Variants in RMND5B observed in about 807,000 individuals in gnomAD.
RMND5B encodes required for meiotic nuclear division 5 homolog B.
RMND5B carries 42 observed loss-of-function variants against 50.4 expected under a neutral mutation model. The observed-to-expected ratio is 0.83, with a 90% CI of 0.65 to 1.08. The LOEUF is 1.08. RMND5B is among the 50% of genes least tolerant of loss of function. The pLI is 0.00. For synonymous variants in RMND5B, 220 were observed against 210.0 expected, an observed-to-expected ratio of 1.05 and a Z score of -0.41; for missense variants, 463 against 508.5, an observed-to-expected ratio of 0.91 and a Z score of 0.86.
chr5:178,136,442 G>A (rs1429878349), intron 2 of RMND5B, among the ~76,000 whole-genome samples: 1 of 152,032 alleles, frequency 6.6e-6, no homozygotes, highest in East Asian at 1.9e-4. Context: ...TGGGGGGTGG[G>A]TGGCATAGCT....
Position 178,150,146 on chromosome 5 carries a change from A to G in RMND5B, c.*2114A>G, listed in dbSNP as rs1031049734. 2 of 299,298 alleles carry G rather than the reference A, an allele frequency of 6.7e-6. No individual in the cohort carries two copies. Among genetic ancestry groups the G allele is most frequent in the East Asian group, 1.7e-4 (2 of 11,742 alleles). The allele number at this position is 299,298 out of a possible 1,614,324, so 18.5% of individuals were successfully genotyped here. A position where few individuals can be genotyped will look rare whatever the true frequency, so the allele number is the denominator to read the frequency against. ...TCAGATCTGGCCCCTGTTACGTAAG[A>G]TAAGGACAGCTACAGGTCCCTCTGA... is the stretch of plus-strand genomic sequence containing the variant. On this transcript the variant is annotated 3_prime_UTR_variant, in exon 11 of 11. Coordinates refer to ENST00000313386, the MANE Select transcript of RMND5B (RefSeq NM_022762.5).
In RMND5B at chr5:178,149,687, A is replaced by G; in HGVS notation, c.*1655A>G. 1 of 1,611,992 alleles carries G rather than the reference A, an allele frequency of 6.2e-7. No individual in the cohort carries two copies. The highest frequency in any genetic ancestry group is 8.5e-7 in the Non-Finnish European group (1 of 1,179,694). On this transcript the variant is annotated 3_prime_UTR_variant, in exon 11 of 11. Coordinates refer to ENST00000313386, the MANE Select transcript of RMND5B (RefSeq NM_022762.5). ...TGCCAGCCCAATAGCTTCCAGCGGCAGGTGCCCAGGTGCTACCGGAGCCCC... is the reference window on the plus strand; with the variant it reads ...TGCCAGCCCAATAGCTTCCAGCGGCGGGTGCCCAGGTGCTACCGGAGCCCC...
intron 7 of RMND5B, among the ~76,000 whole-genome samples, chr5:178,145,410 C>T (rs1301326789): frequency 6.6e-6 from 1 of 150,718 alleles, no homozygotes; most frequent in African/African-American, 2.4e-5. Flanking sequence ...CACTTGAACC[C>T]GGGAAGCGGA....
rs188584780 is a variant in RMND5B, at chr5:178,149,254, G to A, written c.*1222G>A. Reference sequence around the variant, plus strand: ...TACCTCACAGCCCCCATCTACCCTGGAAGAGGGAGTTGAAAATGCTGGGAT... The same window carrying A: ...TACCTCACAGCCCCCATCTACCCTGAAAGAGGGAGTTGAAAATGCTGGGAT... On this transcript the variant is annotated 3_prime_UTR_variant, in exon 11 of 11. Coordinates refer to ENST00000313386, the MANE Select transcript of RMND5B (RefSeq NM_022762.5). The A allele has an allele frequency of 1.9e-3, 309 of 161,694 alleles. 1 individual carries two copies. Among genetic ancestry groups the A allele is most frequent in the South Asian group, 0.012 (74 of 6,274 alleles). 10.0% of individuals were successfully genotyped at this position (161,694 alleles called of 1,614,324 possible).
At chr5:178,142,793 CGAA>C (rs1759018636) in intron 4 of RMND5B, 56 bp from the exon 5 acceptor site, 1 of 1,614,182 alleles carries the variant, frequency 6.2e-7, no homozygotes, top group Non-Finnish European at 8.5e-7. Context: ...TACAAGGACT[CGAA>C]GGAGAGCCAG....
rs1220759006 is a variant in RMND5B, at chr5:178,137,977, A to G, written c.-12-131A>G. 1 of 826,814 alleles carries G rather than the reference A, an allele frequency of 1.2e-6. No individual in the cohort carries two copies. The highest frequency in any genetic ancestry group is 2.7e-5 in the East Asian group (1 of 36,402). 51.2% of individuals were successfully genotyped at this position (826,814 alleles called of 1,614,324 possible). ...CCAAAACATAGGTACATATATACAT[A>G]TATGTACAAAACATATAACATTGAT... is the stretch of plus-strand genomic sequence containing the variant. On this transcript the variant is annotated intron_variant, in intron 2 of 10. Coordinates refer to ENST00000313386, the MANE Select transcript of RMND5B (RefSeq NM_022762.5). The surrounding 1 kb of genome is among the most constrained non-coding windows in gnomAD (Gnocchi z 4.4).
intron 2 of RMND5B, among the ~76,000 whole-genome samples, chr5:178,133,213 A>G (rs1379622384): frequency 1.3e-5 from 2 of 151,982 alleles, no homozygotes; most frequent in African/African-American, 4.8e-5. Flanking sequence ...ATTTGCTCAA[A>G]CTTCCTTTCT....
intron 3 of RMND5B, among the ~76,000 whole-genome samples, chr5:178,140,137 G>A (rs527806307): frequency 1.5e-4 from 23 of 152,232 alleles, no homozygotes; most frequent in Non-Finnish European, 2.4e-4. Context: ...GCATCACACT[G>A]GAAGACACAA....
chr5:178,146,595 C>T (rs559631464), intron 8 of RMND5B: 4 of 280,638 alleles, frequency 1.4e-5, no homozygotes, highest in South Asian at 6.5e-5. Context: ...AACCCACGCC[C>T]CTCTGCAGCC....
intron 5 of RMND5B, 96 bp from the exon 6 acceptor site, chr5:178,143,531 C>T (rs1031065420): frequency 9.3e-6 from 9 of 965,496 alleles, no homozygotes; most frequent in Middle Eastern, 2.1e-4. Flanking sequence ...AGCTCTCTGG[C>T]CTGTCTTTGG....
In RMND5B at chr5:178,144,134, T is replaced by C. The variant is rs779366646; in HGVS notation, c.694+26T>C. The C allele has an allele frequency of 1.7e-5, 27 of 1,606,660 alleles. No homozygotes were observed. The Admixed American group carries it at 4.5e-4, about 27-fold the overall frequency. The stretch of plus-strand genomic sequence containing the variant: ...GTGAGTGCCCAGGCAGCTGGGGTTG[T>C]GCTGCCTGGCCTGACACATGTCTGG... On this transcript the variant is annotated intron_variant, in intron 7 of 10. Coordinates refer to ENST00000313386, the MANE Select transcript of RMND5B (RefSeq NM_022762.5).
At chr5:178,139,626 C>G (rs1318693253) in intron 3 of RMND5B, among the ~76,000 whole-genome samples, 1 of 151,520 alleles carries the variant, frequency 6.6e-6, no homozygotes, top group East Asian at 1.9e-4. Flanking sequence ...TCACTGCAAC[C>G]TCCGCCTCCC....
intron 2 of RMND5B, among the ~76,000 whole-genome samples, chr5:178,136,651 CCTGTGAAA>C (rs1179882666): frequency 6.6e-6 from 1 of 151,810 alleles, no homozygotes; most frequent in Non-Finnish European, 1.5e-5. Flanking sequence ...GTGAAGAGAG[CCTGTGAAA>C]CTGGGAGGAT....
chr5:178,132,141 T>C (rs1758345175), intron 2 of RMND5B, among the ~76,000 whole-genome samples: 1 of 151,750 alleles, frequency 6.6e-6, no homozygotes, highest in Non-Finnish European at 1.5e-5. Context: ...GGTGAAACCC[T>C]GTCGCTCCAA....
intron 3 of RMND5B, chr5:178,141,205 C>T (rs530926456): frequency 1.3e-5 from 2 of 152,304 alleles, no homozygotes; most frequent in East Asian, 1.9e-4. Flanking sequence ...ATTAAACTCA[C>T]TCTTTTAAAG....
intron 3 of RMND5B, among the ~76,000 whole-genome samples, chr5:178,140,614 G>A (rs1019826557): frequency 2.0e-5 from 3 of 151,648 alleles, no homozygotes; most frequent in East Asian, 1.9e-4. Context: ...CGGATCACTC[G>A]AGCCCAGGAG....
At position 178,147,748 on chromosome 5, in the gene RMND5B, TG is replaced by T; in HGVS notation, c.984del (p.Met328IlefsTer47). Reference protein sequence around the residue: ...DELPIEIELGMKCWYHSVFAC... With the variant: ...DELPIEIELGXKCWYHSVFAC... The stretch of plus-strand genomic sequence containing the variant: ...TCCCAGATTGAGATTGAACTAGGCA[TG>T]AAGTGCTGGTACCACTCCGTGTTCG... On this transcript the variant is annotated frameshift_variant, in exon 10 of 11. Coordinates refer to ENST00000313386, the MANE Select transcript of RMND5B (RefSeq NM_022762.5). LOFTEE classifies it high-confidence loss of function. 1 of 1,614,186 alleles carries T rather than the reference TG, an allele frequency of 6.2e-7. No individual in the cohort carries two copies. Among genetic ancestry groups the T allele is most frequent in the East Asian group, 2.2e-5 (1 of 44,886 alleles).
chr5:178,143,644 G>A lies in RMND5B; in HGVS notation c.444G>A (p.Val148=). 6.2e-7 allele frequency: 1 copy of A among 1,613,694 alleles called. No individual in the cohort carries two copies. The highest frequency in any genetic ancestry group is 8.5e-7 in the Non-Finnish European group (1 of 1,179,622). ...EELCQESTLN[V]DLDFKQPFLE... ...CCTTGTAGGAATCAACGCTGAATGT[G>A]GACTTGGATTTCAAGCAGCCTTTCC... Residue 148 remains valine, a synonymous_variant, in exon 6 of 11, where the codon GTG becomes GTA. Transcript: ENST00000313386.
At position 178,149,971 on chromosome 5, in the gene RMND5B, C is replaced by T. The variant is rs76613101; in HGVS notation, c.*1939C>T. The T allele has an allele frequency of 0.023, 21,841 of 966,580 alleles. 302 individuals are homozygous for T. The highest frequency in any genetic ancestry group is 0.054 in the Middle Eastern group (244 of 4,484). The allele number at this position is 966,580 out of a possible 1,614,324, so 59.9% of individuals were successfully genotyped here. A position where few individuals can be genotyped will look rare whatever the true frequency, so the allele number is the denominator to read the frequency against. On this transcript the variant is annotated 3_prime_UTR_variant, in exon 11 of 11. Transcript: ENST00000313386. ...GTTCGGTCCATGTTCTATTTAAAAG[C>T]ATCTTGAATTGGTTGCCATCATTTA...
Sources: gnomAD v4.1 joint callset for allele counts (sites outside exome capture counted in the v4.1 genomes callset) on GRCh38, gnomAD v4.1.1 for gene constraint, Gnocchi (gnomAD v3.1) non-coding constraint, MANE v1.5 for transcripts, NCBI Gene and HGNC (gene_info 2026-07-23, HGNC 2026-07-21) for gene names.